The following RNF144A variants were observed in gnomAD, a reference collection of about 807,000 sequenced individuals.
RNF144A encodes the protein ring finger protein 144A, also known as E3 ubiquitin-protein ligase RNF144A.
A neutral mutation model predicts 38.7 loss-of-function variants in RNF144A; 11 were observed. The observed-to-expected ratio is 0.28, with a 90% CI of 0.18 to 0.47. The LOEUF (loss-of-function observed/expected upper bound fraction) is 0.47. Ranked by LOEUF, RNF144A falls within the 20% of genes least tolerant of loss-of-function variation. The pLI is 0.99. For synonymous variants in RNF144A, 149 were observed against 143.9 expected (o/e 1.04, Z -0.25); for missense variants, 316 against 377.2 (o/e 0.84, Z 1.34).
chr2:7,034,379 C>G (rs753495622), intron 8 of RNF144A, among the ~76,000 whole-genome samples: 2 of 152,312 alleles, frequency 1.3e-5, no homozygotes, highest in Non-Finnish European at 1.5e-5. Context: ...AGCGTGCAGC[C>G]GTTTGAGTGG....
intron 2 of RNF144A, among the ~76,000 whole-genome samples, chr2:6,947,821 T>C (rs1337575101): frequency 6.6e-6 from 1 of 152,220 alleles, no homozygotes; most frequent in Admixed American, 6.5e-5. Context: ...CTCTGCCCTG[T>C]CCTGCCCACG....
intron 6 of RNF144A, among the ~76,000 whole-genome samples, chr2:7,067,529 C>A (rs116594618): frequency 2.0e-5 from 3 of 152,020 alleles, no homozygotes; most frequent in Non-Finnish European, 4.4e-5. Flanking sequence ...ACTGAGTTTC[C>A]GACTATTAAA....
intron 2 of RNF144A, among the ~76,000 whole-genome samples, chr2:6,984,968 C>T (rs1668857783): frequency 6.6e-6 from 1 of 152,220 alleles, no homozygotes; most frequent in Admixed American, 6.5e-5. Flanking sequence ...GTTATCACCC[C>T]ATAGAGTTCA....
chr2:7,075,936 C>A, the RNF144A span, among the ~76,000 whole-genome samples: 1 of 152,204 alleles, frequency 6.6e-6, no homozygotes, highest in Non-Finnish European at 1.5e-5. Context: ...AAATGTGTTT[C>A]TTACTGTACT....
At chr2:7,033,567 C>T (rs1408495039) in intron 8 of RNF144A, among the ~76,000 whole-genome samples, 3 of 152,232 alleles carry the variant, frequency 2.0e-5, no homozygotes, top group Admixed American at 6.5e-5. Context: ...TCATCACTCT[C>T]TTCCTCTACT....
At chr2:6,954,706 C>CAATCTCT (rs1373541584) in intron 2 of RNF144A, among the ~76,000 whole-genome samples, 1 of 152,108 alleles carries the variant, frequency 6.6e-6, no homozygotes, top group East Asian at 1.9e-4. Context: ...ATTAAGTAGG[C>CAATCTCT]ACAAGAGATT....
At chr2:6,950,813 G>T (rs1666628835) in intron 2 of RNF144A, among the ~76,000 whole-genome samples, 1 of 152,074 alleles carries the variant, frequency 6.6e-6, no homozygotes, top group South Asian at 2.1e-4. Flanking sequence ...CATCTGTTTT[G>T]TCCACTGTAA....
intron 1 of RNF144A, among the ~76,000 whole-genome samples, chr2:6,919,759 A>C (rs1572179703): frequency 6.6e-6 from 1 of 152,180 alleles, no homozygotes; most frequent in Non-Finnish European, 1.5e-5. Flanking sequence ...TTCCAGACCC[A>C]GTGCAATTTG....
chr2:7,008,515 C>T (rs967236062), intron 3 of RNF144A, among the ~76,000 whole-genome samples: 8 of 152,212 alleles, frequency 5.3e-5, no homozygotes, highest in Non-Finnish European at 8.8e-5. Context: ...CCTCCCGACA[C>T]GGTGCACTCT....
chr2:6,988,365 C>G (rs1669087618), intron 2 of RNF144A, among the ~76,000 whole-genome samples: 1 of 152,198 alleles, frequency 6.6e-6, no homozygotes, highest in Admixed American at 6.5e-5. Flanking sequence ...TTCTTCTGTT[C>G]CAAGTTCTCT....
chr2:6,949,720 T>C (rs1666557479), intron 2 of RNF144A, among the ~76,000 whole-genome samples: 1 of 152,188 alleles, frequency 6.6e-6, no homozygotes, highest in Non-Finnish European at 1.5e-5. Flanking sequence ...CAAATCAACA[T>C]TGGATTTTCG....
chr2:6,988,829 A>G (rs1004714451), intron 2 of RNF144A, among the ~76,000 whole-genome samples: 4 of 152,212 alleles, frequency 2.6e-5, no homozygotes, highest in Non-Finnish European at 4.4e-5. Context: ...ATTTTTCTGC[A>G]TGAGAGATGT....
At position 7,040,895 on chromosome 2, in the gene RNF144A, T is replaced by C. The variant is rs1173117340; in HGVS notation, c.*1135T>C. On this transcript the variant is annotated 3_prime_UTR_variant, in exon 9 of 9. Coordinates refer to ENST00000320892, the MANE Select transcript of RNF144A (RefSeq NM_014746.6). ...TCTTGTTGGGGAAAAGAACCTCCCA[T>C]TTCACTTCGTTTTAACGTGGGGATT... is the stretch of plus-strand genomic sequence containing the variant. 1 of 985,350 alleles carries C rather than the reference T, an allele frequency of 1.0e-6. No individual in the cohort carries two copies. The highest frequency in any genetic ancestry group is 1.2e-6 in the Non-Finnish European group (1 of 829,946). The allele number at this position is 985,350 out of a possible 1,614,324, so 61.0% of individuals were successfully genotyped here.
intron 3 of RNF144A, among the ~76,000 whole-genome samples, chr2:6,997,550 C>T (rs1247391255): frequency 1.3e-5 from 2 of 152,164 alleles, no homozygotes; most frequent in Non-Finnish European, 2.9e-5. Context: ...AGCCAACATT[C>T]TTTTGGGGCC....
intron 8 of RNF144A, among the ~76,000 whole-genome samples, chr2:7,034,380 G>A (rs1025826420): frequency 7.2e-5 from 11 of 152,170 alleles, no homozygotes; most frequent in African/African-American, 2.4e-5. Context: ...GCGTGCAGCC[G>A]TTTGAGTGGA....
Position 7,040,575 on chromosome 2 carries a change from C to T in RNF144A, c.*815C>T, listed in dbSNP as rs1230011582. On this transcript the variant is annotated 3_prime_UTR_variant, in exon 9 of 9. Coordinates refer to ENST00000320892, the MANE Select transcript of RNF144A (RefSeq NM_014746.6). ...ATTCAGCTCAGCTCATGGGCCTCAT[C>T]CCTTCTCTCCCAGGTAGCAGAAAAC... 1 of 985,468 alleles carries T rather than the reference C, an allele frequency of 1.0e-6. No individual in the cohort carries two copies. The highest frequency in any genetic ancestry group is 1.2e-6 in the Non-Finnish European group (1 of 829,938). 61.0% of individuals were successfully genotyped at this position (985,468 alleles called of 1,614,324 possible). A position where few individuals can be genotyped will look rare whatever the true frequency, so the allele number is the denominator to read the frequency against.
intron 7 of RNF144A, among the ~76,000 whole-genome samples, chr2:7,027,639 A>T (rs1442001382): frequency 6.6e-6 from 1 of 152,196 alleles, no homozygotes; most frequent in Non-Finnish European, 1.5e-5. Context: ...TGGCTCTTTC[A>T]CCAGCCCTCT....
chr2:7,057,557 A>G (rs1404966869), intron 6 of RNF144A, among the ~76,000 whole-genome samples: 1 of 152,166 alleles, frequency 6.6e-6, no homozygotes, highest in Non-Finnish European at 1.5e-5. Flanking sequence ...TAGTTTGCCA[A>G]ATATTAAAGT....
chr2:7,053,545 TTG>T (rs1167977824), intron 6 of RNF144A, among the ~76,000 whole-genome samples: 1 of 147,864 alleles, frequency 6.8e-6, no homozygotes, highest in Non-Finnish European at 1.5e-5. Flanking sequence ...TCTCAATTTT[TTG>T]TTGTCATCTG....
Sources: gnomAD v4.1 joint callset for allele counts (sites outside exome capture counted in the v4.1 genomes callset) on GRCh38, gnomAD v4.1.1 for gene constraint, MANE v1.5 for transcripts, NCBI Gene and HGNC (gene_info 2026-07-23, HGNC 2026-07-21) for gene names.